SPMAP2L: variants seen among roughly 807,000 people sequenced by gnomAD.
SPMAP2L encodes the protein sperm microtubule associated protein 2-like.
At chr4:56,599,817 G>T in the SPMAP2L span, among the ~76,000 whole-genome samples, 1 of 152,196 alleles carries the variant, frequency 6.6e-6, no homozygotes, top group African/African-American at 2.4e-5. Flanking sequence ...TGAGCATTTG[G>T]ATTGGTTCCA....
chr4:56,618,099 G>A, the SPMAP2L span, among the ~76,000 whole-genome samples: 5,109 of 152,220 alleles, frequency 0.034, 242 homozygotes, highest in African/African-American at 0.11. Context: ...GGGTGGGAAG[G>A]CAGATGTGCC....
chr4:56,608,306 G>A, the SPMAP2L span, among the ~76,000 whole-genome samples: 155 of 152,286 alleles, frequency 1.0e-3, 1 homozygote, highest in Non-Finnish European at 1.8e-3. Context: ...ATTTGGAAAA[G>A]TCTCAGCCTT....
chr4:56,606,819 G>A, the SPMAP2L span, among the ~76,000 whole-genome samples: 4 of 152,212 alleles, frequency 2.6e-5, no homozygotes, highest in African/African-American at 9.6e-5. Flanking sequence ...GATGTGATCA[G>A]AGTTGGCTTT....
At chr4:56,570,817 T>C in the SPMAP2L span, among the ~76,000 whole-genome samples, 3 of 152,104 alleles carry the variant, frequency 2.0e-5, no homozygotes, top group African/African-American at 7.2e-5. Context: ...TATTTATTTA[T>C]TTTTGAGACA....
chr4:56,534,238 A>G, the SPMAP2L span, among the ~76,000 whole-genome samples: 7 of 152,102 alleles, frequency 4.6e-5, no homozygotes, highest in South Asian at 2.1e-4. Context: ...TGAGGTCACA[A>G]TGATCGCTGC....
At chr4:56,543,031 C>T in the SPMAP2L span, among the ~76,000 whole-genome samples, 159 of 152,064 alleles carry the variant, frequency 1.0e-3, no homozygotes, top group African/African-American at 2.9e-3. Flanking sequence ...AAAATTCATC[C>T]TGTACGTGTA....
chr4:56,559,480 G>T, the SPMAP2L span: 409 of 1,532,752 alleles, frequency 2.7e-4, 1 homozygote, highest in African/African-American at 5.1e-3. Flanking sequence ...TGAGAACCTT[G>T]CCCAGCCCAA....
At chr4:56,563,324 A>T in the SPMAP2L span, among the ~76,000 whole-genome samples, 688 of 149,844 alleles carry the variant, frequency 4.6e-3, 8 homozygotes, top group African/African-American at 0.016. Flanking sequence ...GGCTGGTCTC[A>T]AACTTCTGAC....
the SPMAP2L span, among the ~76,000 whole-genome samples, chr4:56,532,945 C>T: frequency 2.7e-5 from 4 of 150,218 alleles, no homozygotes; most frequent in East Asian, 2.0e-4. Flanking sequence ...CTTTCCAGCT[C>T]ACTCCTCCAT....
chr4:56,612,452 G>A, the SPMAP2L span, among the ~76,000 whole-genome samples: 4,742 of 150,668 alleles, frequency 0.031, 220 homozygotes, highest in African/African-American at 0.1. Flanking sequence ...AGCGATTCTC[G>A]TGCCTCAGTG....
the SPMAP2L span, among the ~76,000 whole-genome samples, chr4:56,606,581 C>T: frequency 3.9e-5 from 6 of 152,028 alleles, no homozygotes; most frequent in Non-Finnish European, 2.9e-5. Flanking sequence ...CCTCTGATGC[C>T]GGAACTGCCT....
chr4:56,618,328 A>G, the SPMAP2L span, among the ~76,000 whole-genome samples: 2 of 152,240 alleles, frequency 1.3e-5, no homozygotes, highest in Non-Finnish European at 2.9e-5. Flanking sequence ...GCCAGGAGGC[A>G]GCAGGCAGAA....
At chr4:56,580,619 AG>A in the SPMAP2L span, among the ~76,000 whole-genome samples, 2 of 152,052 alleles carry the variant, frequency 1.3e-5, no homozygotes, top group African/African-American at 4.8e-5. Context: ...GATTCTAACC[AG>A]GGCAATTAGG....
chr4:56,548,991 CTTTT>C, the SPMAP2L span, among the ~76,000 whole-genome samples: 2 of 139,434 alleles, frequency 1.4e-5, no homozygotes, highest in African/African-American at 2.6e-5. Context: ...TTCTTTCTTT[CTTTT>C]TTTTTTTTTT....
the SPMAP2L span, chr4:56,594,043 T>G: frequency 6.2e-7 from 1 of 1,611,478 alleles, no homozygotes. Flanking sequence ...ATTTTCGGCT[T>G]TTTGAGGATG....
chr4:56,609,224 G>C, the SPMAP2L span, among the ~76,000 whole-genome samples: 4 of 151,812 alleles, frequency 2.6e-5, no homozygotes, highest in Non-Finnish European at 5.9e-5. Flanking sequence ...TGTATTTTTA[G>C]TAGAGGCAGG....
chr4:56,594,237 G>C, the SPMAP2L span: 1 of 1,601,334 alleles, frequency 6.2e-7, no homozygotes, highest in Non-Finnish European at 8.6e-7. Context: ...GTGTTCAACA[G>C]CTACCACTCT....
the SPMAP2L span, among the ~76,000 whole-genome samples, chr4:56,565,482 T>C: frequency 2.0e-5 from 3 of 152,224 alleles, no homozygotes; most frequent in Non-Finnish European, 4.4e-5. Flanking sequence ...CCTTGTGTGA[T>C]GGGTCACAGT....
At chr4:56,613,369 C>T in the SPMAP2L span, among the ~76,000 whole-genome samples, 2 of 152,066 alleles carry the variant, frequency 1.3e-5, no homozygotes, top group Non-Finnish European at 2.9e-5. Flanking sequence ...GATTGCAAGA[C>T]AGGGCAGGCA....
Sources: gnomAD v4.1 joint callset for allele counts (sites outside exome capture counted in the v4.1 genomes callset) on GRCh38, gnomAD v4.1.1 for gene constraint, MANE v1.5 for transcripts, NCBI Gene and HGNC (gene_info 2026-07-23, HGNC 2026-07-21) for gene names.